The following STXBP5L variants were observed in gnomAD, a reference collection of about 807,000 sequenced individuals.
STXBP5L encodes syntaxin-binding protein 5-like.
STXBP5L carries 65 observed loss-of-function variants against 144.5 expected under a neutral mutation model. That is an observed-to-expected ratio of 0.45 (90% CI 0.37 to 0.55). The LOEUF is 0.55. Among genes scored for constraint, STXBP5L ranks in the 20% least tolerant of loss-of-function variants. The pLI is 0.00. For synonymous variants in STXBP5L, 505 were observed against 469.6 expected (o/e 1.08, Z -0.97); for missense variants, 1,298 against 1,405.5 (o/e 0.92, Z 1.22).
intron 14 of STXBP5L, among the ~76,000 whole-genome samples, chr3:121,248,004 A>G (rs1171453016): frequency 1.3e-5 from 2 of 152,156 alleles, no homozygotes; most frequent in Non-Finnish European, 2.9e-5. Flanking sequence ...CTTTTTAATA[A>G]TAGCCATTCT....
In STXBP5L at chr3:121,310,319, G is replaced by A. The variant is rs567486330; in HGVS notation, c.2111-8156G>A. ...GCTCATCAAAAGGCACTATTAAGAG[G>A]CCAGGCATGGGCTGGGCACAGTGGC... On this transcript the variant is annotated intron_variant, in intron 19 of 26. Transcript: ENST00000471454. Among the ~76,000 whole-genome samples, 27 of 152,330 alleles carry A rather than the reference G, an allele frequency of 1.8e-4. No individual in the cohort carries two copies. The South Asian group carries it at 5.2e-3, about 29-fold the overall frequency.
chr3:121,308,562 G>A (rs988488423), intron 19 of STXBP5L, among the ~76,000 whole-genome samples: 1 of 152,078 alleles, frequency 6.6e-6, no homozygotes, highest in Non-Finnish European at 1.5e-5. Flanking sequence ...ATATATAATT[G>A]TTATTTGGGG....
intron 20 of STXBP5L, among the ~76,000 whole-genome samples, chr3:121,343,235 G>A (rs1040099032): frequency 2.6e-5 from 4 of 151,904 alleles, no homozygotes; most frequent in Non-Finnish European, 5.9e-5. Flanking sequence ...TGTAGATTCT[G>A]GATATTAGCC....
intron 7 of STXBP5L, among the ~76,000 whole-genome samples, chr3:121,132,361 A>G (rs2045031298): frequency 6.6e-6 from 1 of 152,162 alleles, no homozygotes; most frequent in South Asian, 2.1e-4. Flanking sequence ...ACATCTAGCT[A>G]CCTGGGGAGA....
At chr3:121,128,356 A>G (rs9289163) in intron 7 of STXBP5L, among the ~76,000 whole-genome samples, 20,621 of 152,072 alleles carry the variant, frequency 0.14, 1,708 homozygotes, top group Admixed American at 0.25. Context: ...AGAAGGGATC[A>G]GGGGATGATA....
chr3:121,129,867 C>T (rs900490861), intron 7 of STXBP5L, among the ~76,000 whole-genome samples: 8 of 151,882 alleles, frequency 5.3e-5, no homozygotes, highest in Non-Finnish European at 1.0e-4. Context: ...CACAAAGATC[C>T]AGGGGCCTGT....
intron 5 of STXBP5L, among the ~76,000 whole-genome samples, chr3:121,046,437 C>G (rs564457998): frequency 6.6e-6 from 1 of 152,196 alleles, no homozygotes; most frequent in African/African-American, 2.4e-5. Context: ...TAGAATGGTA[C>G]AAGCTATTCT....
intron 3 of STXBP5L, among the ~76,000 whole-genome samples, chr3:121,024,891 A>G (rs556922730): frequency 6.6e-6 from 1 of 152,336 alleles, no homozygotes; most frequent in African/African-American, 2.4e-5. Context: ...TACTTCTATC[A>G]TGCCCTGGTT....
At chr3:121,168,989 T>C (rs1427501974) in intron 9 of STXBP5L, among the ~76,000 whole-genome samples, 2 of 152,208 alleles carry the variant, frequency 1.3e-5, no homozygotes, top group African/African-American at 2.4e-5. Flanking sequence ...ACAGCAGATC[T>C]CGCTGCAGAA....
chr3:121,388,692 G>A (rs1265707561), intron 22 of STXBP5L, among the ~76,000 whole-genome samples: 4 of 152,052 alleles, frequency 2.6e-5, no homozygotes, highest in Non-Finnish European at 4.4e-5. Context: ...TGATGGGTAC[G>A]TTTATTGATT....
At chr3:121,291,099 G>T (rs1358905514) in intron 19 of STXBP5L, among the ~76,000 whole-genome samples, 1 of 152,094 alleles carries the variant, frequency 6.6e-6, no homozygotes, top group African/African-American at 2.4e-5. Context: ...CAGTAAAGAG[G>T]AAATCCAACT....
intron 3 of STXBP5L, among the ~76,000 whole-genome samples, chr3:120,975,654 C>G (rs1335497763): frequency 6.6e-6 from 1 of 152,162 alleles, no homozygotes; most frequent in African/African-American, 2.4e-5. Context: ...AGTTTTTGCC[C>G]ATTCAGTACG....
rs770038909 is a variant in STXBP5L at position 121,348,690 on chromosome 3, G to A, written c.2177-30026G>A. 5.1e-4 allele frequency among the ~76,000 whole-genome samples: 78 copies of A among 152,130 alleles called. 2 individuals are homozygous for A. The highest frequency in any genetic ancestry group is 3.4e-3 in the Middle Eastern group (1 of 294). ...TTCTTCCTGGTTTAGTCTTGGGAGG[G>A]TGTATGTGTCGAGGAATTTATCCAT... On this transcript the variant is annotated intron_variant, in intron 20 of 26. Coordinates refer to ENST00000471454, the MANE Select transcript of STXBP5L (RefSeq NM_001308330.2).
intron 18 of STXBP5L, among the ~76,000 whole-genome samples, chr3:121,264,375 A>T (rs140833990): frequency 1.3e-5 from 2 of 152,182 alleles, no homozygotes; most frequent in African/African-American, 2.4e-5. Context: ...TTTCCAAAAT[A>T]CAATGGTGAC....
chr3:121,352,893 G>A (rs2045351023), intron 20 of STXBP5L, among the ~76,000 whole-genome samples: 1 of 152,064 alleles, frequency 6.6e-6, no homozygotes, highest in African/African-American at 2.4e-5. Flanking sequence ...TAGCATGAAG[G>A]GCTGTTGAGT....
chr3:121,110,572 T>G (rs2043934776), intron 5 of STXBP5L, among the ~76,000 whole-genome samples: 1 of 152,210 alleles, frequency 6.6e-6, no homozygotes, highest in Non-Finnish European at 1.5e-5. Flanking sequence ...TTTTTTGGCT[T>G]GTAGGGTTTC....
At chr3:120,908,740 G>A (rs1263225615) in intron 1 of STXBP5L, among the ~76,000 whole-genome samples, 1 of 151,680 alleles carries the variant, frequency 6.6e-6, no homozygotes, top group East Asian at 2.0e-4. Context: ...CCGTGCAGCG[G>A]GGAGAGCGGA....
chr3:121,401,096 G>T (rs1423740712), intron 22 of STXBP5L, among the ~76,000 whole-genome samples: 1 of 151,958 alleles, frequency 6.6e-6, no homozygotes, highest in African/African-American at 2.4e-5. Context: ...CAGAATAAAT[G>T]AGAGCAATGG....
chr3:121,216,182 C>G (rs779969515), intron 10 of STXBP5L, among the ~76,000 whole-genome samples: 5 of 152,148 alleles, frequency 3.3e-5, no homozygotes, highest in Non-Finnish European at 7.4e-5. Flanking sequence ...ACCTCTGAAG[C>G]CTACATCTTT....
Sources: gnomAD v4.1 joint callset for allele counts (sites outside exome capture counted in the v4.1 genomes callset) on GRCh38, gnomAD v4.1.1 for gene constraint, MANE v1.5 for transcripts, NCBI Gene and HGNC (gene_info 2026-07-23, HGNC 2026-07-21) for gene names.